The following PRKN variants were observed in gnomAD, a reference collection of about 807,000 sequenced individuals.
PRKN encodes the protein parkin RBR E3 ubiquitin protein ligase.
Under a neutral mutation model 59.5 loss-of-function variants are expected in PRKN, and 56 were observed. The ratio of observed to expected loss-of-function variants is 0.94; its 90% confidence interval spans 0.76 to 1.18. The LOEUF (loss-of-function observed/expected upper bound fraction) is 1.18, where lower values mean the gene tolerates loss of function less well. Among genes scored for constraint, PRKN ranks in the 50% most tolerant of loss-of-function variants. The pLI is 0.00. For synonymous variants in PRKN, 250 were observed against 222.1 expected (o/e 1.13, Z -1.12); for missense variants, 657 against 596.4 (o/e 1.10, Z -1.06).
intron 4 of PRKN, among the ~76,000 whole-genome samples, chr6:162,155,527 T>TA (rs1328668881): frequency 6.6e-6 from 1 of 152,110 alleles, no homozygotes; most frequent in East Asian, 1.9e-4. Flanking sequence ...ATATCATAGA[T>TA]ACAGACAGAA....
intron 7 of PRKN, among the ~76,000 whole-genome samples, chr6:161,766,642 T>C (rs925302470): frequency 2.6e-5 from 4 of 152,172 alleles, no homozygotes; most frequent in Non-Finnish European, 5.9e-5. Context: ...TAAACATCAA[T>C]CTAAAGGTAC....
chr6:162,676,206 G>A (rs997526530), intron 1 of PRKN, among the ~76,000 whole-genome samples: 2 of 152,118 alleles, frequency 1.3e-5, no homozygotes, highest in African/African-American at 4.8e-5. Flanking sequence ...TACTACTGGA[G>A]GGAATCATGG....
At chr6:162,358,028 C>T (rs987428742) in intron 2 of PRKN, among the ~76,000 whole-genome samples, 2 of 152,036 alleles carry the variant, frequency 1.3e-5, no homozygotes, top group African/African-American at 4.8e-5. Flanking sequence ...ACAGAATGTA[C>T]AACACAAAGA....
chr6:162,540,477 G>GT (rs1170783582), intron 1 of PRKN, among the ~76,000 whole-genome samples: 1 of 152,100 alleles, frequency 6.6e-6, no homozygotes, highest in Non-Finnish European at 1.5e-5. Context: ...TTGAAACAAT[G>GT]TAAGTCAACT....
At chr6:161,875,753 T>C (rs1230665310) in intron 6 of PRKN, among the ~76,000 whole-genome samples, 1 of 152,110 alleles carries the variant, frequency 6.6e-6, no homozygotes, top group African/African-American at 2.4e-5. Flanking sequence ...AGCATTCACC[T>C]AACTGCTCTG....
At chr6:162,094,371 C>T (rs1031644834) in intron 4 of PRKN, among the ~76,000 whole-genome samples, 17 of 152,136 alleles carry the variant, frequency 1.1e-4, no homozygotes, top group Admixed American at 6.5e-5. Context: ...GTGGTCTCAG[C>T]GACATGGGAG....
chr6:162,709,491 G>C (rs1383928493), intron 1 of PRKN, among the ~76,000 whole-genome samples: 1 of 151,904 alleles, frequency 6.6e-6, no homozygotes, highest in Non-Finnish European at 1.5e-5. Flanking sequence ...TGTTATAAAA[G>C]CAGTGAATTC....
rs1027023700 is a variant in PRKN at position 161,610,841 on chromosome 6, C to T, written c.872-41425G>A. On this transcript the variant is annotated intron_variant, in intron 7 of 11. Coordinates refer to ENST00000366898, the MANE Select transcript of PRKN (RefSeq NM_004562.3). The stretch of plus-strand genomic sequence containing the variant: ...AGGTGCTTGTGTTGGAAAGAAGGGT[C>T]GTCCACGTGGCCAGAGGTTGTGATA... 9.2e-5 allele frequency among the ~76,000 whole-genome samples: 14 copies of T among 152,172 alleles called. No individual in the cohort carries two copies. In the East Asian group the frequency reaches 2.3e-3, roughly 25 times the overall value.
At chr6:162,537,957 A>C (rs1465971129) in intron 1 of PRKN, among the ~76,000 whole-genome samples, 1 of 152,114 alleles carries the variant, frequency 6.6e-6, no homozygotes, top group Admixed American at 6.6e-5. Flanking sequence ...CTTAAACTAC[A>C]TTACCCCAAA....
At chr6:162,334,289 G>A (rs1783729219) in intron 2 of PRKN, among the ~76,000 whole-genome samples, 1 of 152,220 alleles carries the variant, frequency 6.6e-6, no homozygotes, top group Non-Finnish European at 1.5e-5. Context: ...TGCCATCTGG[G>A]ACTTTCATAG....
At chr6:162,309,072 C>T (rs1484852304) in intron 2 of PRKN, among the ~76,000 whole-genome samples, 1 of 152,126 alleles carries the variant, frequency 6.6e-6, no homozygotes, top group African/African-American at 2.4e-5. Context: ...AAGTCAGCCG[C>T]TGTCCTCAGA....
In PRKN at chr6:162,400,457, CAAA is replaced by C. The variant is rs3081908; in HGVS notation, c.171+42850_171+42852del. Among the ~76,000 whole-genome samples the C allele has an allele frequency of 9.9e-4, 98 of 98,694 alleles. 1 individual carries two copies. The highest frequency in any genetic ancestry group is 1.0e-3 in the Non-Finnish European group (53 of 51,050). The allele number at this position is 98,694 out of a possible 152,430, so 64.7% of individuals were successfully genotyped here. A position where few individuals can be genotyped will look rare whatever the true frequency, so the allele number is the denominator to read the frequency against. On this transcript the variant is annotated intron_variant, in intron 2 of 11. Coordinates refer to ENST00000366898, the MANE Select transcript of PRKN (RefSeq NM_004562.3). ...CTTTCCCACAGCAACATGTAAATAT[CAAA>C]AAAAAAAAAAAAAAAAAAAGCTAAA...
chr6:161,674,061 T>C (rs1785002960), intron 7 of PRKN, among the ~76,000 whole-genome samples: 1 of 151,964 alleles, frequency 6.6e-6, no homozygotes, highest in Non-Finnish European at 1.5e-5. Flanking sequence ...AAGTCAATGA[T>C]GCAAGGATAA....
At chr6:162,587,745 C>A (rs1363620659) in intron 1 of PRKN, among the ~76,000 whole-genome samples, 1 of 151,896 alleles carries the variant, frequency 6.6e-6, no homozygotes, top group African/African-American at 2.4e-5. Context: ...TTAAGAATAT[C>A]AAAATAAACC....
chr6:161,824,124 G>A (rs1173928584), intron 6 of PRKN, among the ~76,000 whole-genome samples: 5 of 152,114 alleles, frequency 3.3e-5, no homozygotes, highest in Admixed American at 6.5e-5. Context: ...GATCCTCCTC[G>A]CACAGACTGT....
In PRKN at chr6:161,527,346, A is replaced by G. The variant is rs1779051495; in HGVS notation, c.1083+21508T>C. 6.6e-6 allele frequency among the ~76,000 whole-genome samples: 1 copy of G among 152,146 alleles called. No homozygotes were observed. Among genetic ancestry groups the G allele is most frequent in the African/African-American group, 2.4e-5 (1 of 41,434 alleles). On this transcript the variant is annotated intron_variant, in intron 9 of 11. Coordinates refer to ENST00000366898, the MANE Select transcript of PRKN (RefSeq NM_004562.3). The surrounding 1 kb of genome is among the most constrained non-coding windows in gnomAD (Gnocchi z 4.6). The stretch of plus-strand genomic sequence containing the variant: ...TTGAGCCCCAACGGCATCAAGTATG[A>G]ACTTGGAGCCAGGGCTTTGGTGTAC...
chr6:162,091,609 C>T (rs530632865), intron 4 of PRKN, among the ~76,000 whole-genome samples: 16 of 152,292 alleles, frequency 1.1e-4, no homozygotes, highest in East Asian at 1.9e-4. Context: ...AGGCACCGAT[C>T]GTCTGGTTTT....
intron 3 of PRKN, among the ~76,000 whole-genome samples, chr6:162,222,917 T>C (rs998200690): frequency 6.6e-6 from 1 of 151,984 alleles, no homozygotes; most frequent in Non-Finnish European, 1.5e-5. Context: ...TAGTTACATA[T>C]GTCATATGTA....
At chr6:162,312,954 T>G (rs1042969989) in intron 2 of PRKN, among the ~76,000 whole-genome samples, 1 of 152,068 alleles carries the variant, frequency 6.6e-6, no homozygotes, top group African/African-American at 2.4e-5. Context: ...AAAATATAAT[T>G]TGAAGGATTT....
Sources: allele counts gnomAD v4.1 joint callset (sites outside exome capture counted in the v4.1 genomes callset), GRCh38; gene constraint gnomAD v4.1.1; non-coding constraint Gnocchi (gnomAD v3.1); transcripts MANE v1.5; gene names NCBI Gene and HGNC (gene_info 2026-07-23, HGNC 2026-07-21).